Variants in EML1 observed in about 807,000 individuals in gnomAD.
The protein encoded by EML1 is echinoderm microtubule-associated protein-like 1.
Under a neutral mutation model 110.4 loss-of-function variants are expected in EML1, and 27 were observed. That is an observed-to-expected ratio of 0.24 (90% CI 0.18 to 0.34). The LOEUF (loss-of-function observed/expected upper bound fraction) is 0.34, where lower values mean the gene tolerates loss of function less well. Ranked by LOEUF, EML1 falls within the 10% of genes least tolerant of loss-of-function variation. The probability of loss-of-function intolerance (pLI) is 1.00; values close to 1 mark genes in which losing one functional copy is unlikely to be tolerated. For synonymous variants in EML1, 344 were observed against 385.8 expected (o/e 0.89, Z 1.27); for missense variants, 741 against 1,030.9 (o/e 0.72, Z 3.85).
chr14:99,901,717 C>G (rs1184160994), intron 9 of EML1, among the ~76,000 whole-genome samples: 1 of 152,162 alleles, frequency 6.6e-6, no homozygotes, highest in African/African-American at 2.4e-5. Flanking sequence ...AGAGGTCACT[C>G]TTGTCGCCAT....
chr14:99,856,581 T>G (rs1157686354), intron 2 of EML1, among the ~76,000 whole-genome samples: 3 of 152,220 alleles, frequency 2.0e-5, no homozygotes, highest in African/African-American at 7.2e-5. Flanking sequence ...CCTTACAAAT[T>G]GGCAAATTAC....
Position 99,941,751 on chromosome 14 carries a change from A to G in EML1, c.*1639A>G, listed in dbSNP as rs368125612. 44 of 152,290 alleles carry G rather than the reference A, an allele frequency of 2.9e-4. No individual in the cohort carries two copies. Among genetic ancestry groups the G allele is most frequent in the African/African-American group, 1.0e-3 (43 of 41,554 alleles). The allele number at this position is 152,290 out of a possible 1,614,324, so 9.4% of individuals were successfully genotyped here. A position where few individuals can be genotyped will look rare whatever the true frequency, so the allele number is the denominator to read the frequency against. On this transcript the variant is annotated 3_prime_UTR_variant, in exon 22 of 22. Transcript: ENST00000262233. ...ATAAAGGATTTGGCCTAATTACCAT[A>G]CTCAATTGTCAGTTTACGTGGTTTT...
intron 2 of EML1, among the ~76,000 whole-genome samples, chr14:99,856,636 A>G (rs879575123): frequency 5.9e-5 from 9 of 152,170 alleles, no homozygotes; most frequent in African/African-American, 1.9e-4. Flanking sequence ...AGAACATACT[A>G]TAGTTTCTTT....
chr14:99,846,210 T>C (rs537679505), intron 1 of EML1, among the ~76,000 whole-genome samples: 58 of 152,050 alleles, frequency 3.8e-4, no homozygotes, highest in South Asian at 2.1e-4. Flanking sequence ...TATGTTTTCA[T>C]GTTTCTGCGT....
At chr14:99,836,001 G>A (rs2058534125) in intron 1 of EML1, among the ~76,000 whole-genome samples, 2 of 152,246 alleles carry the variant, frequency 1.3e-5, no homozygotes, top group South Asian at 4.1e-4. Flanking sequence ...TCAGTTTTGT[G>A]TTGGCTATTC....
At chr14:99,907,482 AAG>A in intron 9 of EML1, 154 bp from the exon 10 acceptor site, 1 of 668,976 alleles carries the variant, frequency 1.5e-6, no homozygotes. Context: ...AAAAGAAAGA[AAG>A]AAAGAAAGCA....
At chr14:99,757,345 A>C (rs1018218519) in intron 1 of EML1, among the ~76,000 whole-genome samples, 2 of 152,160 alleles carry the variant, frequency 1.3e-5, no homozygotes, top group Non-Finnish European at 2.9e-5. Flanking sequence ...TTTCAAAAAA[A>C]AAAAAAAAAG....
intron 17 of EML1, among the ~76,000 whole-genome samples, chr14:99,929,910 G>A (rs896708998): frequency 2.0e-5 from 3 of 152,174 alleles, no homozygotes; most frequent in African/African-American, 4.8e-5. Context: ...GGAAAGCTAT[G>A]AGGGTTCTGC....
chr14:99,787,268 C>CTTTTTTTTTTT (rs34680462), intron 1 of EML1, among the ~76,000 whole-genome samples: 1 of 101,606 alleles, frequency 9.8e-6, no homozygotes, highest in Non-Finnish European at 1.9e-5. Context: ...CTCTGAGATT[C>CTTTTTTTTTTT]TTTTTTTTTT....
chr14:99,792,480 T>C (rs2057686798), upstream of EML1, among the ~76,000 whole-genome samples: 1 of 152,216 alleles, frequency 6.6e-6, no homozygotes, highest in African/African-American at 2.4e-5. Flanking sequence ...ATGCGAACCA[T>C]TAACAGCATT....
chr14:99,874,893 C>A (rs944537974), intron 3 of EML1: 1 of 1,585,976 alleles, frequency 6.3e-7, no homozygotes, highest in Non-Finnish European at 8.6e-7. Context: ...ATTGCACTCA[C>A]ATTTATTCTG....
At chr14:99,889,963 A>C (rs1306998504) in intron 4 of EML1, among the ~76,000 whole-genome samples, 4 of 152,222 alleles carry the variant, frequency 2.6e-5, no homozygotes, top group Admixed American at 6.5e-5. Flanking sequence ...CTACCACCCC[A>C]CCCCATGTGC....
chr14:99,786,884 T>A (rs190272836), intron 1 of EML1, among the ~76,000 whole-genome samples: 6 of 152,316 alleles, frequency 3.9e-5, no homozygotes, highest in African/African-American at 1.4e-4. Context: ...CACAGGCTAC[T>A]GTTGCAATGT....
At position 99,937,291 on chromosome 14, in the gene EML1, A is replaced by G. The variant is rs545344959; in HGVS notation, c.2096-526A>G. ...CTGACACAGGCACAGGAACGGTATG[A>G]TTTTCAGGGACAAGCCCTGGGTCTA... On this transcript the variant is annotated intron_variant, in intron 19 of 21. Coordinates refer to ENST00000262233, the MANE Select transcript of EML1 (RefSeq NM_004434.3). Among the ~76,000 whole-genome samples, 57 of 152,144 alleles carry G rather than the reference A, an allele frequency of 3.7e-4. No homozygotes were observed. In the South Asian group the frequency reaches 5.4e-3, roughly 14 times the overall value.
At position 99,910,145 on chromosome 14, in the gene EML1, G is replaced by A. The variant is rs184458572; in HGVS notation, c.1240-97G>A. 2.7e-4 allele frequency: 240 copies of A among 884,068 alleles called. 1 individual carries two copies. The East Asian group carries it at 5.9e-3, about 22-fold the overall frequency. The allele number at this position is 884,068 out of a possible 1,614,324, so 54.8% of individuals were successfully genotyped here. On this transcript the variant is annotated intron_variant, in intron 11 of 21. Coordinates refer to ENST00000262233, the MANE Select transcript of EML1 (RefSeq NM_004434.3). ...ACACTATCCAGCTTGGGACCACTGC[G>A]AATCTAGATGTTATTAGTACAAATG...
chr14:99,811,491 A>G (rs1181568719), intron 1 of EML1, among the ~76,000 whole-genome samples: 1 of 151,752 alleles, frequency 6.6e-6, no homozygotes, highest in African/African-American at 2.4e-5. Context: ...ACAGTGAGCT[A>G]GGGAAAGGAA....
At chr14:99,863,282 T>A (rs1490436821) in intron 2 of EML1, among the ~76,000 whole-genome samples, 33 of 152,230 alleles carry the variant, frequency 2.2e-4, no homozygotes, top group Admixed American at 2.2e-3. Flanking sequence ...GGTCAGCATC[T>A]TCCTGCCCCC....
chr14:99,900,867 A>C, intron 8 of EML1, 62 bp from the exon 9 acceptor site: 5 of 1,404,766 alleles, frequency 3.6e-6, no homozygotes, highest in Non-Finnish European at 5.0e-6. Flanking sequence ...TTGTAGCTTC[A>C]AGGTAAAGAC....
intron 1 of EML1, among the ~76,000 whole-genome samples, chr14:99,845,249 T>C (rs935064610): frequency 6.6e-5 from 10 of 152,214 alleles, no homozygotes; most frequent in Admixed American, 2.6e-4. Flanking sequence ...TAATTTGCAT[T>C]TCCATAATGA....
Sources: allele counts gnomAD v4.1 joint callset (sites outside exome capture counted in the v4.1 genomes callset), GRCh38; gene constraint gnomAD v4.1.1; transcripts MANE v1.5; gene names NCBI Gene and HGNC (gene_info 2026-07-23, HGNC 2026-07-21).